The following RALYL variants were observed in gnomAD, a reference collection of about 807,000 sequenced individuals.
The protein encoded by RALYL is RALY RNA binding protein like, also known as RNA-binding Raly-like protein.
In RALYL, 29 loss-of-function variants were observed where a neutral mutation model predicts 35.1. The observed-to-expected ratio is 0.83, with a 90% CI of 0.61 to 1.13. The LOEUF (loss-of-function observed/expected upper bound fraction) is 1.13. Among genes scored for constraint, RALYL ranks in the 50% most tolerant of loss-of-function variants. The pLI, the probability that RALYL is intolerant of heterozygous loss-of-function variation, is 0.00. For synonymous variants in RALYL, 120 were observed against 127.6 expected (o/e 0.94, Z 0.40); for missense variants, 359 against 360.4 (o/e 1.00, Z 0.03).
Position 84,302,181 on chromosome 8 carries a change from A to G in RALYL, c.-24+117757A>G, listed in dbSNP as rs192381125. On this transcript the variant is annotated intron_variant, in intron 1 of 8. Transcript: ENST00000521268. The stretch of plus-strand genomic sequence containing the variant: ...CCATCTTTTCCTCAATGTAGGGATT[A>G]TCTTTTTAAAATTTGTGAACATTCT... Among the ~76,000 whole-genome samples, 65 of 152,310 alleles carry G rather than the reference A, an allele frequency of 4.3e-4. 2 individuals carry two copies. The highest frequency in any genetic ancestry group is 3.7e-3 in the Admixed American group (56 of 15,294).
At chr8:84,674,525 A>G (rs996675344) in intron 2 of RALYL, among the ~76,000 whole-genome samples, 1 of 151,970 alleles carries the variant, frequency 6.6e-6, no homozygotes, top group African/African-American at 2.4e-5. Context: ...ATCTTTCAAC[A>G]TTACTCTAAA....
intron 5 of RALYL, among the ~76,000 whole-genome samples, chr8:84,855,231 C>G (rs768105488): frequency 6.6e-6 from 1 of 152,192 alleles, no homozygotes; most frequent in East Asian, 1.9e-4. Context: ...CCCTCACCTC[C>G]GGAAGTGTGG....
At chr8:84,915,023 T>C (rs960959214) in intron 8 of RALYL, among the ~76,000 whole-genome samples, 1 of 152,054 alleles carries the variant, frequency 6.6e-6, no homozygotes, top group African/African-American at 2.4e-5. Flanking sequence ...TTCTCTGATA[T>C]AAGAACTAAT....
At chr8:84,634,964 A>G (rs151209898) in intron 2 of RALYL, among the ~76,000 whole-genome samples, 126 of 151,866 alleles carry the variant, frequency 8.3e-4, no homozygotes, top group African/African-American at 2.8e-3. Context: ...CTGACCTTGA[A>G]AAGCCCACAC....
At chr8:84,376,293 T>G (rs1029564129) in intron 1 of RALYL, among the ~76,000 whole-genome samples, 2 of 151,902 alleles carry the variant, frequency 1.3e-5, no homozygotes, top group African/African-American at 2.4e-5. Flanking sequence ...CAGTAAAATT[T>G]GTAATTTAGC....
At chr8:84,470,036 G>C (rs1295787683) in intron 1 of RALYL, among the ~76,000 whole-genome samples, 3 of 152,154 alleles carry the variant, frequency 2.0e-5, no homozygotes, top group African/African-American at 7.2e-5. Flanking sequence ...TGCGCCCACT[G>C]TCTGGCACTT....
intron 1 of RALYL, among the ~76,000 whole-genome samples, chr8:84,393,263 C>A (rs1388774285): frequency 6.6e-6 from 1 of 152,046 alleles, no homozygotes; most frequent in African/African-American, 2.4e-5. Context: ...CGCTCACTTA[C>A]ATAGTCGTTG....
At chr8:84,405,132 T>C (rs984464877) in intron 1 of RALYL, among the ~76,000 whole-genome samples, 10 of 152,052 alleles carry the variant, frequency 6.6e-5, no homozygotes, top group African/African-American at 2.4e-4. Context: ...AATAATGAAA[T>C]TAAGGCAGAA....
In RALYL at chr8:84,402,979, A is replaced by T. The variant is rs537744434; in HGVS notation, c.-23-126320A>T. On this transcript the variant is annotated intron_variant, in intron 1 of 8. Coordinates refer to ENST00000521268, the MANE Select transcript of RALYL (RefSeq NM_173848.7). Reference sequence around the variant, plus strand: ...GTCTTCATTTGAGAAGTGTCTGTTGATATCTTTTGCCCACTTTTTGATGGG... The same window carrying T: ...GTCTTCATTTGAGAAGTGTCTGTTGTTATCTTTTGCCCACTTTTTGATGGG... Among the ~76,000 whole-genome samples, 3 of 152,072 alleles carry T rather than the reference A, an allele frequency of 2.0e-5. No individual in the cohort carries two copies. In the East Asian group the frequency reaches 5.8e-4, roughly 29 times the overall value.
At chr8:84,385,379 A>G (rs547051157) in intron 1 of RALYL, among the ~76,000 whole-genome samples, 4 of 151,868 alleles carry the variant, frequency 2.6e-5, no homozygotes, top group African/African-American at 2.4e-5. Context: ...GTTCTTAAAA[A>G]CCATCTAATT....
At chr8:84,435,036 A>T (rs769010523) in intron 1 of RALYL, among the ~76,000 whole-genome samples, 1 of 152,176 alleles carries the variant, frequency 6.6e-6, no homozygotes. Flanking sequence ...CAATTGCTCC[A>T]TTCGGCTTTT....
intron 2 of RALYL, among the ~76,000 whole-genome samples, chr8:84,739,408 T>C (rs977161622): frequency 4.0e-5 from 6 of 151,708 alleles, no homozygotes; most frequent in African/African-American, 1.2e-4. Flanking sequence ...AATAAGATAA[T>C]ATAAATAAAT....
intron 8 of RALYL, among the ~76,000 whole-genome samples, chr8:84,918,100 T>G (rs1287649941): frequency 1.3e-5 from 2 of 152,010 alleles, no homozygotes; most frequent in Non-Finnish European, 2.9e-5. Flanking sequence ...TCACCTTATT[T>G]GCATTTATAT....
intron 2 of RALYL, among the ~76,000 whole-genome samples, chr8:84,606,764 T>C (rs1007588642): frequency 1.1e-4 from 16 of 152,162 alleles, no homozygotes; most frequent in African/African-American, 3.9e-4. Flanking sequence ...TAAATGAATG[T>C]TTTTTGAAAA....
At chr8:84,789,797 G>A (rs149490800) in intron 3 of RALYL, among the ~76,000 whole-genome samples, 99 of 152,224 alleles carry the variant, frequency 6.5e-4, no homozygotes, top group Middle Eastern at 3.4e-3. Flanking sequence ...GCAGTTTGAA[G>A]CTCCATGAGC....
At chr8:84,751,482 A>G (rs1425085333) in intron 2 of RALYL, among the ~76,000 whole-genome samples, 1 of 152,114 alleles carries the variant, frequency 6.6e-6, no homozygotes, top group African/African-American at 2.4e-5. Flanking sequence ...TGCTGGGATT[A>G]CAGGCGTGAA....
intron 1 of RALYL, among the ~76,000 whole-genome samples, chr8:84,210,767 A>C (rs1342025855): frequency 6.6e-6 from 1 of 152,090 alleles, no homozygotes; most frequent in East Asian, 1.9e-4. Context: ...GCTCTATGCC[A>C]TTCATGCTTG....
chr8:84,821,719 C>T (rs1245749814), intron 4 of RALYL, among the ~76,000 whole-genome samples: 1 of 152,060 alleles, frequency 6.6e-6, no homozygotes, highest in Non-Finnish European at 1.5e-5. Context: ...AAAGGATTTT[C>T]TACTTTATTC....
chr8:84,415,674 G>A (rs566697919), intron 1 of RALYL, among the ~76,000 whole-genome samples: 1 of 152,148 alleles, frequency 6.6e-6, no homozygotes, highest in South Asian at 2.1e-4. Context: ...ATAACATCTA[G>A]GAGACACTGG....
Sources: allele counts gnomAD v4.1 joint callset (sites outside exome capture counted in the v4.1 genomes callset), GRCh38; gene constraint gnomAD v4.1.1; transcripts MANE v1.5; gene names NCBI Gene and HGNC (gene_info 2026-07-23, HGNC 2026-07-21).